The following LRRTM4 variants were observed in gnomAD, a reference collection of about 807,000 sequenced individuals.
LRRTM4 encodes leucine rich repeat transmembrane neuronal 4.
Under a neutral mutation model 47.6 loss-of-function variants are expected in LRRTM4, and 25 were observed. The ratio of observed to expected loss-of-function variants is 0.53; its 90% CI spans 0.38 to 0.73. The LOEUF is 0.73. LRRTM4 is among the 30% of genes least tolerant of loss of function. The pLI, the probability that LRRTM4 is intolerant of heterozygous loss-of-function variation, is 0.00. For synonymous variants in LRRTM4, 311 were observed against 269.5 expected, an observed-to-expected ratio of 1.15 and a Z score of -1.51; for missense variants, 638 against 713.4, an observed-to-expected ratio of 0.89 and a Z score of 1.20.
intron 3 of LRRTM4, among the ~76,000 whole-genome samples, chr2:77,070,268 G>T (rs1240255684): frequency 6.6e-6 from 1 of 151,984 alleles, no homozygotes; most frequent in East Asian, 1.9e-4. Context: ...TGCTCCACAG[G>T]TTGCTGCATG....
At chr2:76,799,992 A>T (rs1167449930) in intron 3 of LRRTM4, among the ~76,000 whole-genome samples, 1 of 151,846 alleles carries the variant, frequency 6.6e-6, no homozygotes, top group Non-Finnish European at 1.5e-5. Flanking sequence ...GCTCGTGGGT[A>T]GGAAGAATCA....
chr2:77,232,723 C>T (rs1674999534), intron 3 of LRRTM4, among the ~76,000 whole-genome samples: 1 of 152,194 alleles, frequency 6.6e-6, no homozygotes, highest in Non-Finnish European at 1.5e-5. Flanking sequence ...TTGTTGCAAA[C>T]AGTCAATACT....
At chr2:76,772,339 C>T (rs138160330) in intron 3 of LRRTM4, among the ~76,000 whole-genome samples, 5 of 152,240 alleles carry the variant, frequency 3.3e-5, no homozygotes, top group Admixed American at 3.3e-4. Context: ...TAAAGCCACC[C>T]AGTCTAGGGT....
chr2:76,997,506 T>C (rs1677245093), intron 3 of LRRTM4, among the ~76,000 whole-genome samples: 1 of 152,134 alleles, frequency 6.6e-6, no homozygotes, highest in African/African-American at 2.4e-5. Context: ...AAAATTGAGT[T>C]ACTGTCTCAT....
intron 3 of LRRTM4, among the ~76,000 whole-genome samples, chr2:76,797,941 T>C (rs1675438161): frequency 6.6e-6 from 1 of 150,652 alleles, no homozygotes; most frequent in African/African-American, 2.5e-5. Context: ...ATGCACCCAA[T>C]ACAGGAGCAT....
At chr2:76,798,184 G>C (rs1675457143) in intron 3 of LRRTM4, among the ~76,000 whole-genome samples, 2 of 152,032 alleles carry the variant, frequency 1.3e-5, no homozygotes, top group East Asian at 1.9e-4. Flanking sequence ...TTCCAAAATT[G>C]ACCACATACT....
intron 3 of LRRTM4, among the ~76,000 whole-genome samples, chr2:77,006,179 T>C (rs112539664): frequency 5.9e-5 from 9 of 152,164 alleles, no homozygotes; most frequent in Non-Finnish European, 1.3e-4. Flanking sequence ...ACAAAGGACA[T>C]TCGTTTCTTA....
chr2:77,440,336 C>A (rs540173785), intron 3 of LRRTM4, among the ~76,000 whole-genome samples: 1 of 152,194 alleles, frequency 6.6e-6, no homozygotes, highest in East Asian at 1.9e-4. Context: ...ATGGTGTGAA[C>A]TCGGGAGGTG....
At chr2:77,512,027 A>G (rs1197669621) in intron 3 of LRRTM4, among the ~76,000 whole-genome samples, 2 of 152,166 alleles carry the variant, frequency 1.3e-5, no homozygotes, top group African/African-American at 4.8e-5. Context: ...GCTCAAACAT[A>G]GCTCAGGACA....
At chr2:77,157,881 CTG>C (rs1198089436) in intron 3 of LRRTM4, among the ~76,000 whole-genome samples, 3 of 152,058 alleles carry the variant, frequency 2.0e-5, no homozygotes, top group Non-Finnish European at 4.4e-5. Flanking sequence ...AGACTCCAGA[CTG>C]TGAAACTACA....
intron 3 of LRRTM4, among the ~76,000 whole-genome samples, chr2:77,245,517 CAAAAA>C (rs770133274): frequency 3.6e-4 from 31 of 86,468 alleles, no homozygotes; most frequent in African/African-American, 9.1e-4. Context: ...GACACTGCCT[CAAAAA>C]AAAAAAAAAA....
At chr2:77,261,879 C>T (rs908006688) in intron 3 of LRRTM4, among the ~76,000 whole-genome samples, 20 of 152,200 alleles carry the variant, frequency 1.3e-4, no homozygotes, top group African/African-American at 4.8e-4. Flanking sequence ...GCCTGGATTA[C>T]GGACTGGTAC....
At chr2:77,316,818 T>C (rs758585109) in intron 3 of LRRTM4, among the ~76,000 whole-genome samples, 17 of 152,224 alleles carry the variant, frequency 1.1e-4, no homozygotes, top group Admixed American at 9.8e-4. Context: ...AACGATGAGA[T>C]TATATGCGTG....
chr2:77,333,374 G>C (rs534178898), intron 3 of LRRTM4, among the ~76,000 whole-genome samples: 53 of 152,302 alleles, frequency 3.5e-4, no homozygotes, highest in South Asian at 6.2e-4. Context: ...CCTAAAGCTT[G>C]TTGAATGCCT....
intron 3 of LRRTM4, among the ~76,000 whole-genome samples, chr2:77,361,487 A>G (rs1403505730): frequency 6.6e-6 from 1 of 152,136 alleles, no homozygotes; most frequent in Non-Finnish European, 1.5e-5. Flanking sequence ...TAGACAAATT[A>G]TAATGCTCAA....
intron 3 of LRRTM4, among the ~76,000 whole-genome samples, chr2:77,153,809 C>A (rs1273947780): frequency 6.6e-6 from 1 of 152,128 alleles, no homozygotes; most frequent in Non-Finnish European, 1.5e-5. Context: ...GAAGCCTTGT[C>A]AGGAAAAATA....
At chr2:76,784,345 A>G (rs1674560209) in intron 3 of LRRTM4, among the ~76,000 whole-genome samples, 1 of 152,082 alleles carries the variant, frequency 6.6e-6, no homozygotes, top group Non-Finnish European at 1.5e-5. Flanking sequence ...AAATGTTCAT[A>G]TATATAGTCA....
chr2:76,845,315 AC>A (rs1671807061), intron 3 of LRRTM4, among the ~76,000 whole-genome samples: 1 of 152,092 alleles, frequency 6.6e-6, no homozygotes, highest in Admixed American at 6.6e-5. Flanking sequence ...ACATGGTGAA[AC>A]CCCGTCTCTA....
intron 3 of LRRTM4, among the ~76,000 whole-genome samples, chr2:77,466,089 C>T (rs1676972153): frequency 6.6e-6 from 1 of 152,090 alleles, no homozygotes; most frequent in Admixed American, 6.6e-5. Context: ...TAGAGAGAAA[C>T]AACAAGTCTT....
Sources: gnomAD v4.1 joint callset for allele counts (sites outside exome capture counted in the v4.1 genomes callset) on GRCh38, gnomAD v4.1.1 for gene constraint, MANE v1.5 for transcripts, NCBI Gene and HGNC (gene_info 2026-07-23, HGNC 2026-07-21) for gene names.